The following RIMS2 variants were observed in gnomAD, a reference collection of about 807,000 sequenced individuals.
RIMS2 encodes regulating synaptic membrane exocytosis 2, also known as regulating synaptic membrane exocytosis protein 2.
In RIMS2, 59 loss-of-function variants were observed where a neutral mutation model predicts 174.4. That is an observed-to-expected ratio of 0.34 (90% CI 0.27 to 0.42). The LOEUF (loss-of-function observed/expected upper bound fraction) is 0.42. Ranked by LOEUF, RIMS2 falls within the 10% of genes least tolerant of loss-of-function variation. The probability of loss-of-function intolerance (pLI) is 1.00; values close to 1 mark genes in which losing one functional copy is unlikely to be tolerated. For missense variants in RIMS2, 1,620 were observed against 1,666.3 expected, an observed-to-expected ratio of 0.97 and a Z score of 0.48; for synonymous variants, 606 against 572.5, an observed-to-expected ratio of 1.06 and a Z score of -0.84.
chr8:103,909,316 A>C (rs1339347656), intron 4 of RIMS2, among the ~76,000 whole-genome samples: 2 of 152,058 alleles, frequency 1.3e-5, no homozygotes, highest in Non-Finnish European at 2.9e-5. Context: ...ATTTAAGATA[A>C]AAATATTTTA....
chr8:103,949,044 T>A (rs1050412828), intron 14 of RIMS2, among the ~76,000 whole-genome samples: 2 of 146,982 alleles, frequency 1.4e-5, no homozygotes, highest in African/African-American at 5.1e-5. Context: ...GTAAGATGGC[T>A]TGAGCCTGGG....
At chr8:103,780,798 G>C (rs1205800666) in intron 3 of RIMS2, among the ~76,000 whole-genome samples, 1 of 151,720 alleles carries the variant, frequency 6.6e-6, no homozygotes, top group African/African-American at 2.4e-5. Context: ...TGCTTCTTGG[G>C]GATGTCTTTC....
chr8:103,865,613 C>T (rs767208631), intron 3 of RIMS2, among the ~76,000 whole-genome samples: 4 of 151,980 alleles, frequency 2.6e-5, no homozygotes, highest in Non-Finnish European at 4.4e-5. Context: ...TTTCAAATGG[C>T]TACCTTCATT....
chr8:103,681,081 A>C (rs1215805661), intron 1 of RIMS2, among the ~76,000 whole-genome samples: 1 of 152,066 alleles, frequency 6.6e-6, no homozygotes, highest in African/African-American at 2.4e-5. Context: ...GTGATTATCC[A>C]AACAGAAACA....
At chr8:104,097,432 T>C (rs1221867664) in intron 19 of RIMS2, among the ~76,000 whole-genome samples, 2 of 152,166 alleles carry the variant, frequency 1.3e-5, no homozygotes, top group Non-Finnish European at 2.9e-5. Flanking sequence ...ATCATATCAT[T>C]TCTGACTCTG....
intron 1 of RIMS2, among the ~76,000 whole-genome samples, chr8:103,611,931 A>G (rs1344067253): frequency 6.7e-6 from 1 of 149,432 alleles, no homozygotes; most frequent in Non-Finnish European, 1.5e-5. Flanking sequence ...TTTTCAGTCT[A>G]TTTTCTAGAT....
chr8:103,628,513 G>C (rs150823701), intron 1 of RIMS2, among the ~76,000 whole-genome samples: 8,172 of 151,822 alleles, frequency 0.054, 311 homozygotes, highest in Non-Finnish European at 0.078. Flanking sequence ...TGCCACCATG[G>C]CTGGCTAATT....
At chr8:104,091,687 T>C (rs2097662323) in intron 19 of RIMS2, among the ~76,000 whole-genome samples, 3 of 151,078 alleles carry the variant, frequency 2.0e-5, no homozygotes, top group African/African-American at 2.4e-5. Flanking sequence ...ACATGGTTAA[T>C]GTTGACACCA....
intron 1 of RIMS2, among the ~76,000 whole-genome samples, chr8:103,665,946 C>T (rs563286658): frequency 6.6e-6 from 1 of 152,282 alleles, no homozygotes; most frequent in Admixed American, 6.5e-5. Flanking sequence ...GCTCCAGTAA[C>T]AGTTTTCTTA....
At chr8:103,932,585 A>G (rs2080219773) in intron 12 of RIMS2, among the ~76,000 whole-genome samples, 2 of 152,232 alleles carry the variant, frequency 1.3e-5, no homozygotes, top group Non-Finnish European at 2.9e-5. Flanking sequence ...GAGGTCATCC[A>G]TAATCATCTA....
chr8:103,502,821 C>T (rs993505869), intron 1 of RIMS2, among the ~76,000 whole-genome samples: 4 of 151,884 alleles, frequency 2.6e-5, no homozygotes, highest in Non-Finnish European at 4.4e-5. Flanking sequence ...TTTATTTCTT[C>T]ATAGTAGAAA....
At chr8:103,910,002 A>G (rs1033380834) in intron 4 of RIMS2, 6 of 523,344 alleles carry the variant, frequency 1.1e-5, no homozygotes, top group Non-Finnish European at 2.1e-5. Context: ...ATATATATAT[A>G]TATATAGTGA....
chr8:104,060,906 C>G (rs1194128472), intron 19 of RIMS2, among the ~76,000 whole-genome samples: 1 of 151,960 alleles, frequency 6.6e-6, no homozygotes, highest in Non-Finnish European at 1.5e-5. Flanking sequence ...ATCCTGAGTT[C>G]TAGTTTGATT....
At chr8:104,034,172 G>T (rs1485566613) in intron 19 of RIMS2, among the ~76,000 whole-genome samples, 1 of 152,058 alleles carries the variant, frequency 6.6e-6, no homozygotes, top group African/African-American at 2.4e-5. Context: ...TTTTCAATTG[G>T]TGTTTTATGA....
chr8:103,890,677 T>C (rs1428798773), intron 4 of RIMS2, among the ~76,000 whole-genome samples: 1 of 152,004 alleles, frequency 6.6e-6, no homozygotes, highest in Non-Finnish European at 1.5e-5. Context: ...TTTTTTTCTT[T>C]TTCGTTTTTT....
intron 19 of RIMS2, among the ~76,000 whole-genome samples, chr8:104,181,765 T>A (rs2098941302): frequency 6.6e-6 from 1 of 151,746 alleles, no homozygotes; most frequent in South Asian, 2.1e-4. Flanking sequence ...AATTTGATTT[T>A]TATGCAGTAA....
rs185051656 is a variant in RIMS2, at chr8:104,228,077, G to A, written c.3335-16839G>A. 3.3e-3 allele frequency among the ~76,000 whole-genome samples: 481 copies of A among 147,094 alleles called. 5 individuals carry two copies. Among genetic ancestry groups the A allele is most frequent in the African/African-American group, 0.012 (466 of 39,588 alleles). ...AGAGTCTTGCTCTGTCGCCCAGGCT[G>A]GAGTGCAGTGGTGCGATCTCGGCTC... On this transcript the variant is annotated intron_variant, in intron 19 of 23. Transcript: ENST00000504942.
chr8:103,778,035 A>G (rs1475241373), intron 3 of RIMS2, among the ~76,000 whole-genome samples: 2 of 151,940 alleles, frequency 1.3e-5, no homozygotes, highest in Non-Finnish European at 2.9e-5. Context: ...ACTTGCTATG[A>G]CTTTGACATT....
At chr8:103,686,976 T>C (rs1271604163) in intron 1 of RIMS2, among the ~76,000 whole-genome samples, 2 of 152,112 alleles carry the variant, frequency 1.3e-5, no homozygotes, top group Non-Finnish European at 2.9e-5. Context: ...AGAGATTAGT[T>C]GGGAAATGTT....
Sources: allele counts gnomAD v4.1 joint callset (sites outside exome capture counted in the v4.1 genomes callset), GRCh38; gene constraint gnomAD v4.1.1; transcripts MANE v1.5; gene names NCBI Gene and HGNC (gene_info 2026-07-23, HGNC 2026-07-21).